The following LNP1 variants were observed in gnomAD, a reference collection of about 807,000 sequenced individuals.
The protein encoded by LNP1 is leukemia NUP98 fusion partner 1.
A neutral mutation model predicts 14.5 loss-of-function variants in LNP1; 12 were observed. The ratio of observed to expected loss-of-function variants is 0.83; its 90% confidence interval spans 0.53 to 1.34. LNP1 has a LOEUF of 1.34. Ranked by LOEUF, LNP1 falls within the 40% of genes most tolerant of loss-of-function variation. The pLI is 0.00. For synonymous variants in LNP1, 75 were observed against 71.4 expected (o/e 1.05, Z -0.26); for missense variants, 198 against 210.9 (o/e 0.94, Z 0.38).
At chr3:100,440,804 A>G (rs1707337134) in intron 2 of LNP1, among the ~76,000 whole-genome samples, 1 of 152,216 alleles carries the variant, frequency 6.6e-6, no homozygotes, top group African/African-American at 2.4e-5. Flanking sequence ...ATTATTAATG[A>G]CAGTTGTGAT....
intron 2 of LNP1, among the ~76,000 whole-genome samples, chr3:100,432,053 T>TATATATATA (rs1707248764): frequency 8.4e-6 from 1 of 119,692 alleles, no homozygotes; most frequent in South Asian, 2.6e-4. Flanking sequence ...TATATATATA[T>TATATATATA]TCTTATTTTA....
chr3:100,409,886 C>T (rs577801755), intron 1 of LNP1, among the ~76,000 whole-genome samples: 2 of 151,846 alleles, frequency 1.3e-5, no homozygotes, highest in East Asian at 3.9e-4. Context: ...TGAGCCACCA[C>T]ACCCAGCCTA....
At chr3:100,450,022 T>C (rs1204321661) in intron 2 of LNP1, among the ~76,000 whole-genome samples, 2 of 151,534 alleles carry the variant, frequency 1.3e-5, no homozygotes, top group Non-Finnish European at 2.9e-5. Context: ...TCTTAAGTAG[T>C]CAAAATAAAA....
chr3:100,405,808 C>A (rs1706959521), intron 1 of LNP1, among the ~76,000 whole-genome samples: 1 of 152,146 alleles, frequency 6.6e-6, no homozygotes, highest in Admixed American at 6.6e-5. Flanking sequence ...CTATGTGTCA[C>A]CCTGCACCTT....
At chr3:100,447,727 A>T (rs1490843969) in intron 2 of LNP1, among the ~76,000 whole-genome samples, 2 of 152,178 alleles carry the variant, frequency 1.3e-5, no homozygotes, top group Admixed American at 6.5e-5. Flanking sequence ...TTACTCTAGG[A>T]CTAAATTTAC....
intron 1 of LNP1, among the ~76,000 whole-genome samples, chr3:100,410,430 A>G (rs1463377839): frequency 6.6e-6 from 1 of 152,196 alleles, no homozygotes; most frequent in Non-Finnish European, 1.5e-5. Flanking sequence ...ATATGGCTGC[A>G]TTGTGTCCTA....
intron 1 of LNP1, among the ~76,000 whole-genome samples, chr3:100,408,153 T>G (rs1001168739): frequency 1.3e-5 from 2 of 152,242 alleles, no homozygotes; most frequent in African/African-American, 4.8e-5. Flanking sequence ...CGATTGTTCT[T>G]GTGGTCATGT....
intron 2 of LNP1, among the ~76,000 whole-genome samples, chr3:100,449,095 T>C (rs1576237318): frequency 1.3e-5 from 2 of 152,222 alleles, no homozygotes; most frequent in Non-Finnish European, 2.9e-5. Flanking sequence ...ATTATAGGAT[T>C]GTATAAGGAG....
intron 1 of LNP1, among the ~76,000 whole-genome samples, chr3:100,426,358 C>T (rs1707192809): frequency 6.6e-6 from 1 of 152,200 alleles, no homozygotes; most frequent in Admixed American, 6.5e-5. Flanking sequence ...AGCATAAGCT[C>T]CAGGCAATTA....
chr3:100,452,133 A>C (rs914698843), intron 3 of LNP1, among the ~76,000 whole-genome samples, 184 bp downstream of exon 3: 5 of 152,004 alleles, frequency 3.3e-5, no homozygotes, highest in Non-Finnish European at 7.4e-5. Flanking sequence ...ATTATTTATA[A>C]TTGAAGACAT....
intron 3 of LNP1, among the ~76,000 whole-genome samples, chr3:100,454,088 C>T (rs2148909286): frequency 6.6e-6 from 1 of 152,230 alleles, no homozygotes; most frequent in African/African-American, 2.4e-5. Flanking sequence ...CATATTATCT[C>T]TAAAATACAA....
At chr3:100,409,606 A>ATATATTTTT (rs1429906485) in intron 1 of LNP1, among the ~76,000 whole-genome samples, 1 of 124,436 alleles carries the variant, frequency 8.0e-6, no homozygotes, top group African/African-American at 3.2e-5. Flanking sequence ...ATATATATAT[A>ATATATTTTT]TTTTTTTTTT....
chr3:100,430,391 C>A (rs1289694292), intron 2 of LNP1, among the ~76,000 whole-genome samples: 1 of 152,178 alleles, frequency 6.6e-6, no homozygotes, highest in Non-Finnish European at 1.5e-5. Flanking sequence ...GGAGAGGGAG[C>A]TAAAACTCTC....
chr3:100,421,553 GT>G (rs1438985077), intron 1 of LNP1, among the ~76,000 whole-genome samples: 1 of 152,122 alleles, frequency 6.6e-6, no homozygotes, highest in Non-Finnish European at 1.5e-5. Context: ...ATAGAATTCT[GT>G]TATATAAATA....
intron 2 of LNP1, among the ~76,000 whole-genome samples, chr3:100,435,462 G>A (rs1255483644): frequency 1.3e-5 from 2 of 152,212 alleles, no homozygotes; most frequent in African/African-American, 2.4e-5. Context: ...TGTATATACA[G>A]TGCTTTGAAC....
At chr3:100,419,670 C>T (rs1707125429) in intron 1 of LNP1, among the ~76,000 whole-genome samples, 1 of 152,100 alleles carries the variant, frequency 6.6e-6, no homozygotes, top group Admixed American at 6.5e-5. Context: ...ATCAGTTCCT[C>T]ATCTCTATGA....
chr3:100,414,495 C>T (rs1249075053), intron 1 of LNP1, among the ~76,000 whole-genome samples: 3 of 151,452 alleles, frequency 2.0e-5, no homozygotes, highest in African/African-American at 7.3e-5. Context: ...TGCAGTGAGC[C>T]GAGATCGCAC....
chr3:100,413,547 C>T (rs950234836), intron 1 of LNP1, among the ~76,000 whole-genome samples: 5 of 152,188 alleles, frequency 3.3e-5, no homozygotes, highest in Non-Finnish European at 7.3e-5. Flanking sequence ...TTTATAAGAT[C>T]TTTCCATCTT....
intron 2 of LNP1, among the ~76,000 whole-genome samples, chr3:100,437,509 G>C (rs1707303518): frequency 6.6e-6 from 1 of 152,102 alleles, no homozygotes. Flanking sequence ...ACATTGTTTG[G>C]CTTCCCAAAA....
Sources: gnomAD v4.1 joint callset for allele counts (sites outside exome capture counted in the v4.1 genomes callset) on GRCh38, gnomAD v4.1.1 for gene constraint, MANE v1.5 for transcripts, NCBI Gene and HGNC (gene_info 2026-07-23, HGNC 2026-07-21) for gene names.